Variants in ZNF841 observed in about 807,000 individuals in gnomAD.
ZNF841 encodes the protein TCONS_00006091.
Under a neutral mutation model 13.0 loss-of-function variants are expected in ZNF841, and 11 were observed. The ratio of observed to expected loss-of-function variants is 0.85; its 90% CI spans 0.53 to 1.40. ZNF841 has a LOEUF of 1.40. ZNF841 is among the 40% of genes most tolerant of loss of function. ZNF841 has a pLI of 0.00. For synonymous variants in ZNF841, 369 were observed against 381.6 expected, an observed-to-expected ratio of 0.97 and a Z score of 0.38; for missense variants, 1,068 against 1,139.5, an observed-to-expected ratio of 0.94 and a Z score of 0.90.
At chr19:52,073,963 A>G (rs1333287366) in intron 6 of ZNF841, among the ~76,000 whole-genome samples, 1 of 152,250 alleles carries the variant, frequency 6.6e-6, no homozygotes. Flanking sequence ...ATAGTAACTT[A>G]AAAAATTATG....
At chr19:52,088,884 A>G (rs2088379620) in intron 3 of ZNF841, 53 bp downstream of exon 3, 1 of 152,208 alleles carries the variant, frequency 6.6e-6, no homozygotes, top group African/African-American at 2.4e-5. Flanking sequence ...GCTCCCAAGA[A>G]GTAGAGAAAA....
chr19:52,064,959 G>C lies in ZNF841; in HGVS notation c.*148C>G. The C allele has an allele frequency of 1.6e-6, 1 of 607,790 alleles. No homozygotes were observed. Among genetic ancestry groups the C allele is most frequent in the Non-Finnish European group, 2.7e-6 (1 of 363,876 alleles). The allele number at this position is 607,790 out of a possible 1,614,324, so 37.6% of individuals were successfully genotyped here. ...ACTATCACAAGGACAGCAACAAGGG[G>C]ATGGTACTAAAACTTTCTTGAGAAA... On this transcript the variant is annotated 3_prime_UTR_variant, in exon 7 of 7. Transcript: ENST00000594440.
chr19:52,072,323 A>G (rs141752409), intron 6 of ZNF841, among the ~76,000 whole-genome samples: 8 of 152,342 alleles, frequency 5.3e-5, no homozygotes, highest in Non-Finnish European at 1.2e-4. Flanking sequence ...CTATATATCA[A>G]GTTGAACCTA....
rs778992417 is a variant in ZNF841, at chr19:52,066,813, T to A, written c.1069A>T (p.Ser357Cys). 1.9e-6 allele frequency: 3 copies of A among 1,613,898 alleles called. No homozygotes were observed. The highest frequency in any genetic ancestry group is 1.1e-5 in the South Asian group (1 of 91,040). Residue 357 changes from serine (S) to cysteine (C), a missense_variant, in exon 7 of 7, where the codon AGT becomes TGT. Ser to Cys is a moderately radical substitution (Grantham distance 112, BLOSUM62 -1). Coordinates refer to ENST00000594440, the MANE Select transcript of ZNF841 (RefSeq NM_001136499.2). ...CTCTGATGAACTGCAAGGTGGGAAC[T>A]TTTACTAAAGGACTTGCCACATTCA... ...CNECGKSFSK[S>C]SHLAVHQRIH...
At chr19:52,084,127 G>A (rs2088194516) in intron 4 of ZNF841, among the ~76,000 whole-genome samples, 1 of 152,126 alleles carries the variant, frequency 6.6e-6, no homozygotes, top group South Asian at 2.1e-4. Flanking sequence ...CTGCCGGTAA[G>A]AGTCCCAGCA....
chr19:52,058,898 C>G, the ZNF841 span: 1 of 153,248 alleles, frequency 6.5e-6, no homozygotes, highest in African/African-American at 2.4e-5. Flanking sequence ...GCCTGGGTGA[C>G]AGAGACTCTG....
At chr19:52,088,579 G>A (rs2088367436) in intron 3 of ZNF841, among the ~76,000 whole-genome samples, 1 of 152,096 alleles carries the variant, frequency 6.6e-6, no homozygotes, top group Non-Finnish European at 1.5e-5. Context: ...GTAAAAAAAT[G>A]TAAAGACGCA....
intron 6 of ZNF841, among the ~76,000 whole-genome samples, chr19:52,068,592 T>C (rs767892378): frequency 9.3e-5 from 14 of 150,732 alleles, no homozygotes; most frequent in Non-Finnish European, 1.5e-4. Context: ...AGGAGAATCA[T>C]TGGAACCCAG....
chr19:52,059,390 TACAC>T, the ZNF841 span, among the ~76,000 whole-genome samples: 5,745 of 92,868 alleles, frequency 0.062, 235 homozygotes, highest in South Asian at 0.1. Flanking sequence ...TATATATATA[TACAC>T]ACACACACAC....
chr19:52,079,800 T>C (rs546226335), intron 4 of ZNF841, among the ~76,000 whole-genome samples: 11 of 152,234 alleles, frequency 7.2e-5, no homozygotes, highest in African/African-American at 2.6e-4. Context: ...AAGACCAGCC[T>C]GACCAACATG....
In ZNF841 at chr19:52,076,778, A is replaced by G. The variant is rs1600090966; in HGVS notation, c.142+180T>C. 1.6e-5 allele frequency: 10 copies of G among 635,792 alleles called. No homozygotes were observed. In the East Asian group the frequency reaches 3.5e-4, roughly 22 times the overall value. 39.4% of individuals were successfully genotyped at this position (635,792 alleles called of 1,614,324 possible). On this transcript the variant is annotated intron_variant, in intron 5 of 6. Transcript: ENST00000594440. Reference sequence around the variant, plus strand: ...ACCACTAATGTACAAAGAAGGAAGCAGAATATCCATAGAAATGGGACAGTT... The same window carrying G: ...ACCACTAATGTACAAAGAAGGAAGCGGAATATCCATAGAAATGGGACAGTT...
At position 52,084,770 on chromosome 19, in the gene ZNF841, C is replaced by G. The variant is rs1348047726; in HGVS notation, c.15+17G>C. The G allele has an allele frequency of 6.2e-7, 1 of 1,613,230 alleles. No individual in the cohort carries two copies. On this transcript the variant is annotated intron_variant, in intron 4 of 6. Transcript: ENST00000594440. The stretch of plus-strand genomic sequence containing the variant: ...AAAGGGAGGAGACAGAACAATCCAC[C>G]AAGATTATCACTTTACCTGAGGAAG...
chr19:52,073,282 T>C (rs2087793242), intron 6 of ZNF841, among the ~76,000 whole-genome samples: 1 of 151,822 alleles, frequency 6.6e-6, no homozygotes, highest in African/African-American at 2.4e-5. Context: ...CTGGACAAAA[T>C]ACAAGTTGTT....
chr19:52,059,828 T>G (rs2087368825), downstream of ZNF841, among the ~76,000 whole-genome samples: 1 of 152,184 alleles, frequency 6.6e-6, no homozygotes, highest in Admixed American at 6.5e-5. Flanking sequence ...CTACTCCCTT[T>G]GCAAACCTCT....
chr19:52,064,348 G>T (rs1457878807), downstream of ZNF841: 1 of 61,976 alleles, frequency 1.6e-5, no homozygotes, highest in African/African-American at 5.0e-5. Context: ...GCGAGACTCC[G>T]TCTCCAAAAA....
downstream of ZNF841, among the ~76,000 whole-genome samples, chr19:52,059,812 CAG>C (rs940664357): frequency 3.3e-5 from 5 of 152,140 alleles, no homozygotes; most frequent in South Asian, 2.1e-4. Context: ...ACAAAAGGAC[CAG>C]AGACTACTCC....
Position 52,068,608 on chromosome 19 carries a change from G to A in ZNF841, c.272-998C>T, listed in dbSNP as rs533751158. Among the ~76,000 whole-genome samples, 6 of 151,742 alleles carry A rather than the reference G, an allele frequency of 4.0e-5. No homozygotes were observed. The East Asian group carries it at 5.8e-4, about 15-fold the overall frequency. ...GGAGAATCATTGGAACCCAGGAGGC[G>A]GAGGTTGCAGTGAGCCAAGATTTCG... On this transcript the variant is annotated intron_variant, in intron 6 of 6. Transcript: ENST00000594440.
At position 52,067,627 on chromosome 19, in the gene ZNF841, A is replaced by G; in HGVS notation, c.272-17T>C. On this transcript the variant is annotated splice_polypyrimidine_tract_variant and intron_variant, in intron 6 of 6. Transcript: ENST00000594440. The stretch of plus-strand genomic sequence containing the variant: ...GAGAGATACCTGCAAAATATAATGA[A>G]CATGGGGTTTTAAAATAACTATTAT... The G allele has an allele frequency of 7.0e-7, 1 of 1,437,434 alleles. No individual in the cohort carries two copies. Among genetic ancestry groups the G allele is most frequent in the African/African-American group, 1.4e-5 (1 of 69,294 alleles). 89.0% of individuals were successfully genotyped at this position (1,437,434 alleles called of 1,614,324 possible). A position where few individuals can be genotyped will look rare whatever the true frequency, so the allele number is the denominator to read the frequency against.
intron 6 of ZNF841, among the ~76,000 whole-genome samples, chr19:52,073,459 C>T (rs1320232751): frequency 2.6e-5 from 4 of 151,976 alleles, no homozygotes; most frequent in Admixed American, 6.6e-5. Context: ...CCACCACACC[C>T]GGCTAATTTT....
Sources: gnomAD v4.1 joint callset for allele counts (sites outside exome capture counted in the v4.1 genomes callset) on GRCh38, gnomAD v4.1.1 for gene constraint, MANE v1.5 for transcripts, NCBI Gene and HGNC (gene_info 2026-07-23, HGNC 2026-07-21) for gene names.